The following CCDC93 variants were observed in gnomAD, a reference collection of about 807,000 sequenced individuals.
CCDC93 encodes CCC complex scaffolding subunit CCDC93.
In CCDC93, 61 loss-of-function variants were observed where a neutral mutation model predicts 108.2. That is an observed-to-expected ratio of 0.56 (90% confidence interval 0.46 to 0.70). The LOEUF (loss-of-function observed/expected upper bound fraction) is 0.70. Among genes scored for constraint, CCDC93 ranks in the 30% least tolerant of loss-of-function variants. The pLI is 0.00. For missense variants in CCDC93, 685 were observed against 764.2 expected, an observed-to-expected ratio of 0.90 and a Z score of 1.22; for synonymous variants, 276 against 260.4, an observed-to-expected ratio of 1.06 and a Z score of -0.58.
chr2:117,944,639 G>A (rs1678811367), intron 17 of CCDC93: 4 of 450,740 alleles, frequency 8.9e-6, no homozygotes, highest in Middle Eastern at 3.8e-4. Flanking sequence ...ATGGCTGGAT[G>A]GTTTGTCGCC....
chr2:117,928,663 G>T (rs1340409561), intron 23 of CCDC93, among the ~76,000 whole-genome samples: 1 of 152,186 alleles, frequency 6.6e-6, no homozygotes, highest in Non-Finnish European at 1.5e-5. Context: ...CTGTTGGTGG[G>T]ACTGTAAACT....
At chr2:117,964,441 G>C (rs1679490442) in intron 11 of CCDC93, among the ~76,000 whole-genome samples, 1 of 152,032 alleles carries the variant, frequency 6.6e-6, no homozygotes, top group Non-Finnish European at 1.5e-5. Flanking sequence ...AATTGTGTTG[G>C]GCACTGAGAG....
chr2:118,012,165 T>C (rs2104839623), intron 1 of CCDC93, among the ~76,000 whole-genome samples: 1 of 151,988 alleles, frequency 6.6e-6, no homozygotes, highest in Non-Finnish European at 1.5e-5. Context: ...TCCCAGCTAC[T>C]GGGAAGCCTG....
chr2:117,982,763 G>T (rs972131894), intron 7 of CCDC93, among the ~76,000 whole-genome samples: 17 of 151,912 alleles, frequency 1.1e-4, no homozygotes, highest in South Asian at 4.2e-4. Flanking sequence ...AGTGGGGGGG[G>T]GGGTGCGTGA....
At position 117,917,568 on chromosome 2, in the gene CCDC93, G is replaced by C. The variant is rs747884597; in HGVS notation, c.*2775C>G. Reference sequence around the variant, plus strand: ...TTCGGACTCTAACAGAGATATGCTTGACAAACTGGGAATTTGCCCTCTGTT... The same window carrying C: ...TTCGGACTCTAACAGAGATATGCTTCACAAACTGGGAATTTGCCCTCTGTT... On this transcript the variant is annotated 3_prime_UTR_variant, in exon 24 of 24. Coordinates refer to ENST00000376300, the MANE Select transcript of CCDC93 (RefSeq NM_019044.5). The C allele has an allele frequency of 2.6e-5, 4 of 152,332 alleles. No individual in the cohort carries two copies. Among genetic ancestry groups the C allele is most frequent in the Non-Finnish European group, 5.9e-5 (4 of 68,046 alleles). The allele number at this position is 152,332 out of a possible 1,614,324, so 9.4% of individuals were successfully genotyped here.
At chr2:117,931,199 A>C (rs756940032) in intron 22 of CCDC93, 49 bp from the exon 23 acceptor site, 2 of 1,327,008 alleles carry the variant, frequency 1.5e-6, no homozygotes, top group East Asian at 4.6e-5. Context: ...GTTCTGCCCA[A>C]GGGCTACTGG....
intron 23 of CCDC93, among the ~76,000 whole-genome samples, chr2:117,929,793 C>T (rs949033802): frequency 2.6e-5 from 4 of 152,224 alleles, no homozygotes; most frequent in Non-Finnish European, 5.9e-5. Context: ...AGACCCTCCG[C>T]TCCCCATTCC....
At chr2:117,931,232 G>T in intron 22 of CCDC93, 82 bp from the exon 23 acceptor site, 1 of 868,386 alleles carries the variant, frequency 1.2e-6, no homozygotes, top group Non-Finnish European at 1.9e-6. Context: ...GGCAACAGTT[G>T]TTAACAGTTT....
chr2:117,968,944 C>T (rs1311032841), intron 11 of CCDC93, among the ~76,000 whole-genome samples: 2 of 152,196 alleles, frequency 1.3e-5, no homozygotes, highest in African/African-American at 4.8e-5. Flanking sequence ...TGTCCAGTTT[C>T]AGCCCAATCT....
Position 117,975,111 on chromosome 2 carries a change from A to G in CCDC93, c.750+77T>C. Reference sequence around the variant, plus strand: ...CTGTGGGAGGTGGTGGCCATTTGGGAACGCTAGGGATAAGAGTACGATTTC... The same window carrying G: ...CTGTGGGAGGTGGTGGCCATTTGGGGACGCTAGGGATAAGAGTACGATTTC... On this transcript the variant is annotated intron_variant, in intron 9 of 23. Transcript: ENST00000376300. 4.5e-6 allele frequency: 6 copies of G among 1,321,690 alleles called. No homozygotes were observed. The South Asian group carries it at 7.6e-5, about 17-fold the overall frequency. The allele number at this position is 1,321,690 out of a possible 1,614,324, so 81.9% of individuals were successfully genotyped here. A position where few individuals can be genotyped will look rare whatever the true frequency, so the allele number is the denominator to read the frequency against.
Position 117,949,354 on chromosome 2 carries a change from G to A in CCDC93, c.1110C>T (p.Ala370=). 6.2e-7 allele frequency: 1 copy of A among 1,613,824 alleles called. No individual in the cohort carries two copies. The highest frequency in any genetic ancestry group is 1.1e-5 in the South Asian group (1 of 91,068). The change falls in exon 14 of 24, where the codon GCC becomes GCT. Residue 370 remains alanine (A), a synonymous_variant. Coordinates refer to ENST00000376300, the MANE Select transcript of CCDC93 (RefSeq NM_019044.5). The stretch of plus-strand genomic sequence containing the variant: ...CAGCTTTGGATTCTATCTTCTCGAG[G>A]GCTGCTTGCTCTTTGTCCAGTTTCT... ...YSEKLDKEQA[A]LEKIESKADP... is the part of the protein sequence containing the mutation.
At chr2:117,921,542 G>T (rs993907303) in intron 23 of CCDC93, 3 of 152,196 alleles carry the variant, frequency 2.0e-5, no homozygotes, top group African/African-American at 7.2e-5. Flanking sequence ...GAGCTCACAG[G>T]CTTGGCAGTG....
chr2:117,922,335 T>C (rs941567598), intron 23 of CCDC93, among the ~76,000 whole-genome samples: 1 of 152,102 alleles, frequency 6.6e-6, no homozygotes, highest in Non-Finnish European at 1.5e-5. Flanking sequence ...AGAGGCGCTT[T>C]GGGTGTTTGT....
chr2:117,924,474 T>A (rs934595002), intron 23 of CCDC93, among the ~76,000 whole-genome samples: 1 of 152,144 alleles, frequency 6.6e-6, no homozygotes, highest in Non-Finnish European at 1.5e-5. Context: ...GAGAACTACA[T>A]GATGAATGCA....
chr2:117,925,854 C>A (rs1678069367), intron 23 of CCDC93, among the ~76,000 whole-genome samples: 2 of 152,138 alleles, frequency 1.3e-5, no homozygotes, highest in South Asian at 4.1e-4. Context: ...CCAAAATTGA[C>A]CACATAGATG....
At chr2:117,943,139 C>CA (rs1678758375) in intron 18 of CCDC93, among the ~76,000 whole-genome samples, 2 of 152,218 alleles carry the variant, frequency 1.3e-5, no homozygotes, top group South Asian at 4.1e-4. Context: ...TTTACTGAAG[C>CA]TTTCCCCTAG....
At chr2:117,976,883 T>C (rs546320205) in intron 8 of CCDC93, among the ~76,000 whole-genome samples, 133 of 147,840 alleles carry the variant, frequency 9.0e-4, no homozygotes, top group Admixed American at 2.0e-3. Flanking sequence ...GTGTGTCCTG[T>C]TCAAGAAATC....
At position 117,944,101 on chromosome 2, in the gene CCDC93, A is replaced by G. The variant is rs1309119073; in HGVS notation, c.1351-15T>C. 1.9e-6 allele frequency: 3 copies of G among 1,569,182 alleles called. No individual in the cohort carries two copies. The highest frequency in any genetic ancestry group is 1.7e-6 in the Non-Finnish European group (2 of 1,159,034). ...TCTAGGTCTTCCTAAAAATTGGAAA[A>G]GGCTGTAATTATCTGGGAATAGAAA... On this transcript the variant is annotated splice_polypyrimidine_tract_variant and intron_variant, in intron 17 of 23. Transcript: ENST00000376300.
At chr2:118,004,432 T>C (rs575989162) in intron 3 of CCDC93, among the ~76,000 whole-genome samples, 2 of 152,286 alleles carry the variant, frequency 1.3e-5, no homozygotes, top group African/African-American at 4.8e-5. Context: ...ATTGGGCACA[T>C]AAAGAAGACA....
Sources: allele counts gnomAD v4.1 joint callset (sites outside exome capture counted in the v4.1 genomes callset), GRCh38; gene constraint gnomAD v4.1.1; transcripts MANE v1.5; gene names NCBI Gene and HGNC (gene_info 2026-07-23, HGNC 2026-07-21).